CNOT1: variants seen among roughly 807,000 people sequenced by gnomAD.
CNOT1 encodes the protein CCR4-associated factor 1.
A neutral mutation model predicts 273.8 loss-of-function variants in CNOT1; 15 were observed. The ratio of observed to expected loss-of-function variants is 0.05; its 90% CI spans 0.04 to 0.08. The LOEUF is 0.08. Among genes scored for constraint, CNOT1 ranks in the 10% least tolerant of loss-of-function variants. The probability of loss-of-function intolerance (pLI) is 1.00; values close to 1 mark genes in which losing one functional copy is unlikely to be tolerated. For missense variants in CNOT1, 1,644 were observed against 2,912.2 expected, an observed-to-expected ratio of 0.56 and a Z score of 10.02; for synonymous variants, 1,022 against 1,005.5, an observed-to-expected ratio of 1.02 and a Z score of -0.31.
At chr16:58,622,540 ACTG>A (rs1339663519) in intron 1 of CNOT1, among the ~76,000 whole-genome samples, 3 of 152,118 alleles carry the variant, frequency 2.0e-5, no homozygotes, top group Admixed American at 6.6e-5. Context: ...TGACTCGGAA[ACTG>A]CTGAGTTCTG....
rs1465330201 is a variant in CNOT1 at position 58,520,097 on chromosome 16, T to A, written c.*861A>T. On this transcript the variant is annotated 3_prime_UTR_variant, in exon 49 of 49. Transcript: ENST00000317147. ...AAAATCCTTATAAAAGGGGCTGTAT[T>A]GGTCCTTTCAACTTTGTCATTATTC... is the stretch of plus-strand genomic sequence containing the variant. 6.6e-6 allele frequency: 1 copy of A among 152,226 alleles called. No homozygotes were observed. Among genetic ancestry groups the A allele is most frequent in the Non-Finnish European group, 1.5e-5 (1 of 68,040 alleles). The allele number at this position is 152,226 out of a possible 1,614,324, so 9.4% of individuals were successfully genotyped here. A position where few individuals can be genotyped will look rare whatever the true frequency, so the allele number is the denominator to read the frequency against.
chr16:58,584,168 A>T (rs2041756451), intron 8 of CNOT1, among the ~76,000 whole-genome samples: 1 of 140,072 alleles, frequency 7.1e-6, no homozygotes. Flanking sequence ...ACTCCGTCTC[A>T]AAAAAAAAAA....
intron 45 of CNOT1, 53 bp from the exon 46 acceptor site, chr16:58,525,412 T>C: frequency 2.7e-6 from 4 of 1,485,874 alleles, no homozygotes; most frequent in Non-Finnish European, 3.7e-6. Flanking sequence ...GAGGACCAAT[T>C]CTAGCACCAG....
At chr16:58,599,873 G>A (rs371498904) in intron 1 of CNOT1, among the ~76,000 whole-genome samples, 6 of 152,220 alleles carry the variant, frequency 3.9e-5, no homozygotes, top group East Asian at 3.9e-4. Flanking sequence ...AGACCAGCCC[G>A]GCCAACATGG....
At chr16:58,601,734 TAA>T (rs66711143) in intron 1 of CNOT1, among the ~76,000 whole-genome samples, 36,010 of 91,264 alleles carry the variant, frequency 0.39, 7,911 homozygotes, top group African/African-American at 0.63. Flanking sequence ...ATACCCACCT[TAA>T]AAAAAAAAAA....
Position 58,538,299 on chromosome 16 carries a change from G to C in CNOT1, c.5136-33C>G, listed in dbSNP as rs62065029. Reference sequence around the variant, plus strand: ...AAGTTCAATATCTTTACTCATATAGGCTTAACCATACTGTAAAAGGGCCCA... The same window carrying C: ...AAGTTCAATATCTTTACTCATATAGCCTTAACCATACTGTAAAAGGGCCCA... On this transcript the variant is annotated intron_variant, in intron 36 of 48. Transcript: ENST00000317147. 9.0e-4 allele frequency: 815 copies of C among 906,376 alleles called. 1 individual carries two copies. Among genetic ancestry groups the C allele is most frequent in the Non-Finnish European group, 1.4e-3 (746 of 534,216 alleles). 56.1% of individuals were successfully genotyped at this position (906,376 alleles called of 1,614,324 possible). A position where few individuals can be genotyped will look rare whatever the true frequency, so the allele number is the denominator to read the frequency against.
At chr16:58,527,358 T>G (rs2039629047) in intron 44 of CNOT1, among the ~76,000 whole-genome samples, 1 of 139,038 alleles carries the variant, frequency 7.2e-6, no homozygotes, top group Admixed American at 7.8e-5. Context: ...CCGTCACTAC[T>G]AAAAATACAA....
chr16:58,560,088 G>A (rs969646327), intron 17 of CNOT1, 124 bp downstream of exon 17: 4 of 1,523,966 alleles, frequency 2.6e-6, no homozygotes, highest in Non-Finnish European at 3.5e-6. Context: ...TTTAAAATAA[G>A]TGGATGCTAG....
intron 19 of CNOT1, among the ~76,000 whole-genome samples, 164 bp downstream of exon 19, chr16:58,556,683 T>C (rs1173232990): frequency 6.6e-6 from 1 of 152,242 alleles, no homozygotes; most frequent in Admixed American, 6.5e-5. Flanking sequence ...GACTTTGTTC[T>C]GGGAAGGAGT....
chr16:58,529,840 C>CAAAAAAAAAAAA, intron 43 of CNOT1, among the ~76,000 whole-genome samples: 1 of 69,398 alleles, frequency 1.4e-5, no homozygotes, highest in Non-Finnish European at 2.7e-5. Flanking sequence ...GACTCTGTCT[C>CAAAAAAAAAAAA]AAAAAAAAAA....
In CNOT1 at chr16:58,596,887, CAAAAAAAAAAAAAAAAAA is replaced by C. The variant is rs58567423; in HGVS notation, c.102+2331_102+2348del. ...TGGGCGACAAAGTGAGACTCCGTCT[CAAAAAAAAAAAAAAAAAA>C]AAAAAAAAAAAACAAAAGTCAATTT... is the stretch of plus-strand genomic sequence containing the variant. On this transcript the variant is annotated intron_variant, in intron 2 of 48. Transcript: ENST00000317147. 9.3e-4 allele frequency among the ~76,000 whole-genome samples: 65 copies of C among 69,990 alleles called. 1 individual carries two copies. The highest frequency in any genetic ancestry group is 3.4e-3 in the African/African-American group (57 of 16,608). 45.9% of individuals were successfully genotyped at this position (69,990 alleles called of 152,430 possible).
intron 18 of CNOT1, 138 bp downstream of exon 18, chr16:58,558,335 T>C (rs1043702594): frequency 4.2e-6 from 6 of 1,421,386 alleles, no homozygotes; most frequent in Non-Finnish European, 5.7e-6. Context: ...TTTCCCAACT[T>C]TGGATACTGA....
Position 58,558,497 on chromosome 16 carries a change from C to T in CNOT1, c.2308G>A (p.Gly770Arg). 1 of 1,613,986 alleles carries T rather than the reference C, an allele frequency of 6.2e-7. No homozygotes were observed. The highest frequency in any genetic ancestry group is 8.5e-7 in the Non-Finnish European group (1 of 1,179,968). The change falls in exon 18 of 49, where the codon GGA (glycine) becomes AGA (arginine). Residue 770 changes from glycine to arginine, a missense_variant. This residue lies in a region of CNOT1 where 706 missense variants were observed against 1,021.2 expected (regional missense o/e 0.69). Coordinates refer to ENST00000317147, the MANE Select transcript of CNOT1 (RefSeq NM_016284.5). ...PNQTTAFSGI[G>R]GLSSQLPVGG... ...CCTGGAAGCTGTGATGAAAGTCCTCCAATACCACTGAATGCAGTGGTCTGA... is the reference window on the plus strand; with the variant it reads ...CCTGGAAGCTGTGATGAAAGTCCTCTAATACCACTGAATGCAGTGGTCTGA...
intron 32 of CNOT1, 44 bp from the exon 33 acceptor site, chr16:58,542,379 T>A: frequency 6.2e-7 from 1 of 1,613,024 alleles, no homozygotes; most frequent in African/African-American, 1.3e-5. Flanking sequence ...ATAAGGCACT[T>A]CCCTAAATTA....
chr16:58,590,319 C>T (rs2042009793), intron 2 of CNOT1, among the ~76,000 whole-genome samples: 1 of 152,114 alleles, frequency 6.6e-6, no homozygotes, highest in South Asian at 2.1e-4. Flanking sequence ...AACTTCAAAG[C>T]CTATGATCTT....
chr16:58,531,209 G>C (rs2039770367), intron 42 of CNOT1, among the ~76,000 whole-genome samples: 1 of 152,094 alleles, frequency 6.6e-6, no homozygotes, highest in Admixed American at 6.5e-5. Flanking sequence ...CTTCCTCCTA[G>C]AATGCCCTTC....
rs1364461050 is a variant in CNOT1 at position 58,558,794 on chromosome 16, A to G, written c.2131-120T>C. On this transcript the variant is annotated intron_variant, in intron 17 of 48. Transcript: ENST00000317147. ...AAAAGCAAACTATTACACCCACTCA[A>G]TCACGATGATACTTAAATCCCAGTT... 5 of 1,301,654 alleles carry G rather than the reference A, an allele frequency of 3.8e-6. No individual in the cohort carries two copies. The East Asian group carries it at 1.3e-4, about 33-fold the overall frequency. The allele number at this position is 1,301,654 out of a possible 1,614,324, so 80.6% of individuals were successfully genotyped here.
chr16:58,551,288 A>G lies in CNOT1; in HGVS notation c.3202-16T>C. Reference sequence around the variant, plus strand: ...TAATAGAAGGCTAAAAAAAAAAAATAAAGTACATAAGGCAAATAAGTTGAA... The same window carrying G: ...TAATAGAAGGCTAAAAAAAAAAAATGAAGTACATAAGGCAAATAAGTTGAA... On this transcript the variant is annotated splice_polypyrimidine_tract_variant and intron_variant, in intron 23 of 48. Transcript: ENST00000317147. 2 of 1,557,872 alleles carry G rather than the reference A, an allele frequency of 1.3e-6. No individual in the cohort carries two copies. Among genetic ancestry groups the G allele is most frequent in the Non-Finnish European group, 1.7e-6 (2 of 1,160,574 alleles).
chr16:58,551,286 A>T lies in CNOT1; in HGVS notation c.3202-14T>A. 6.4e-7 allele frequency: 1 copy of T among 1,555,098 alleles called. No individual in the cohort carries two copies. Among genetic ancestry groups the T allele is most frequent in the Non-Finnish European group, 8.6e-7 (1 of 1,158,412 alleles). The stretch of plus-strand genomic sequence containing the variant: ...ATTAATAGAAGGCTAAAAAAAAAAA[A>T]TAAAGTACATAAGGCAAATAAGTTG... On this transcript the variant is annotated splice_polypyrimidine_tract_variant and intron_variant, in intron 23 of 48. Coordinates refer to ENST00000317147, the MANE Select transcript of CNOT1 (RefSeq NM_016284.5).
Sources: allele counts gnomAD v4.1 joint callset (sites outside exome capture counted in the v4.1 genomes callset), GRCh38; gene constraint gnomAD v4.1.1; regional missense constraint gnomAD v4.1.1; transcripts MANE v1.5; gene names NCBI Gene and HGNC (gene_info 2026-07-23, HGNC 2026-07-21).